Variants in IPO8 observed in about 807,000 individuals in gnomAD.
The protein encoded by IPO8 is importin 8.
Under a neutral mutation model 141.2 loss-of-function variants are expected in IPO8, and 65 were observed. The observed-to-expected ratio is 0.46, with a 90% CI of 0.38 to 0.57. The LOEUF is 0.57. Ranked by LOEUF, IPO8 falls within the 20% of genes least tolerant of loss-of-function variation. The pLI, the probability that IPO8 is intolerant of heterozygous loss-of-function variation, is 0.00. For synonymous variants in IPO8, 411 were observed against 420.3 expected (o/e 0.98, Z 0.27); for missense variants, 980 against 1,246.8 (o/e 0.79, Z 3.22).
Position 30,695,622 on chromosome 12 carries a change from G to C in IPO8, c.26C>G (p.Ala9Gly), listed in dbSNP as rs991688009. 6.2e-7 allele frequency: 1 copy of C among 1,614,146 alleles called. No individual in the cohort carries two copies. The highest frequency in any genetic ancestry group is 8.5e-7 in the Non-Finnish European group (1 of 1,179,988). The change falls in exon 1 of 25, where the codon GCG becomes GGG. Residue 9 changes from alanine (A) to glycine (G), a missense_variant. Ala to Gly is a moderately conservative substitution (Grantham distance 60). Transcript: ENST00000256079. This position sits in a 1 kb window ranked among gnomAD's most constrained non-coding sequence, Gnocchi z 4.2. The stretch of plus-strand genomic sequence containing the variant: ...CTTCGGGTCGATGGTGCCCTTCAGC[G>C]CCTGGATGATCCGGTTGAGGTCCAT... MDLNRIIQ[A>G]LKGTIDPKLR...
At chr12:30,651,375 A>G (rs78755747) in intron 19 of IPO8, among the ~76,000 whole-genome samples, 5,909 of 152,216 alleles carry the variant, frequency 0.039, 359 homozygotes, top group African/African-American at 0.13. Context: ...TCTACTGATT[A>G]TCAGTGCAGA....
At chr12:30,694,933 T>C (rs2053323025) in intron 1 of IPO8, 2 of 454,748 alleles carry the variant, frequency 4.4e-6, no homozygotes, top group Non-Finnish European at 8.8e-6. Flanking sequence ...GAAAGAAGTC[T>C]TACACATTTT....
chr12:30,657,983 C>G (rs932777482), intron 16 of IPO8, among the ~76,000 whole-genome samples: 8 of 152,120 alleles, frequency 5.3e-5, no homozygotes, highest in Non-Finnish European at 5.9e-5. Context: ...TAAAATTTCA[C>G]TGAATTTTCT....
rs1337289426 is a variant in IPO8 at position 30,695,030 on chromosome 12, C to CT, written c.84+533_84+534insA. On this transcript the variant is annotated intron_variant, in intron 1 of 24. Coordinates refer to ENST00000256079, the MANE Select transcript of IPO8 (RefSeq NM_006390.4). The surrounding 1 kb of genome is among the most constrained non-coding windows in gnomAD (Gnocchi z 4.2). The stretch of plus-strand genomic sequence containing the variant: ...CACCATGAAAACTGCCTATTCTTCC[C>CT]AGAGCACTCTCCCAACAGCACTGCC... 2 of 456,266 alleles carry CT rather than the reference C, an allele frequency of 4.4e-6. No individual in the cohort carries two copies. The highest frequency in any genetic ancestry group is 4.0e-5 in the African/African-American group (2 of 50,074). 28.3% of individuals were successfully genotyped at this position (456,266 alleles called of 1,614,324 possible). A position where few individuals can be genotyped will look rare whatever the true frequency, so the allele number is the denominator to read the frequency against.
At chr12:30,636,511 G>A (rs2052503715) in intron 22 of IPO8, among the ~76,000 whole-genome samples, 1 of 151,908 alleles carries the variant, frequency 6.6e-6, no homozygotes, top group Non-Finnish European at 1.5e-5. Context: ...TCTCTCAAAT[G>A]TAATTTTTGC....
intron 17 of IPO8, among the ~76,000 whole-genome samples, chr12:30,654,265 G>C (rs2052767020): frequency 1.3e-5 from 2 of 150,186 alleles, no homozygotes; most frequent in East Asian, 1.9e-4. Flanking sequence ...AAAAAACACA[G>C]GGGAAAAGCT....
chr12:30,639,641 G>A lies in IPO8; in HGVS notation c.2363C>T (p.Ala788Val), dbSNP rs2136127825. 1 of 1,614,070 alleles carries A rather than the reference G, an allele frequency of 6.2e-7. No individual in the cohort carries two copies. Among genetic ancestry groups the A allele is most frequent in the East Asian group, 2.2e-5 (1 of 44,848 alleles). ...CAAATCAGGGTTGTAGTACAAGGCA[G>A]CAATTGCAACCTGAAGACACATAGT... Reference protein sequence around the residue: ...LRTMCLQVAIAALYYNPDLLL... With the variant: ...LRTMCLQVAIVALYYNPDLLL... The change falls in exon 21 of 25, where the codon GCT becomes GTT. Residue 788 changes from alanine (A) to valine (V), a missense_variant. Physicochemically the swap from Ala to Val is moderately conservative, Grantham distance 64. Around this residue, in one of 3 missense-constraint regions of IPO8, gnomAD observed 924 missense variants for 1,153.9 expected, o/e 0.80. Transcript: ENST00000256079.
At position 30,695,434 on chromosome 12, in the gene IPO8, G is replaced by C. The variant is rs528068666; in HGVS notation, c.84+130C>G. The C allele has an allele frequency of 2.4e-4, 175 of 717,482 alleles. 1 individual carries two copies. In the African/African-American group the frequency reaches 2.9e-3, roughly 12 times the overall value. The allele number at this position is 717,482 out of a possible 1,614,324, so 44.4% of individuals were successfully genotyped here. On this transcript the variant is annotated intron_variant, in intron 1 of 24. Coordinates refer to ENST00000256079, the MANE Select transcript of IPO8 (RefSeq NM_006390.4). This position sits in a 1 kb window ranked among gnomAD's most constrained non-coding sequence, Gnocchi z 4.2. ...CCGGGGGGCAGCGGGGTCGGAGAGC[G>C]GGACCAGCCGTGAGGCGTCAGCCCC...
At chr12:30,634,326 T>C (rs754065105) in intron 22 of IPO8, 40 bp from the exon 23 acceptor site, 1 of 1,525,486 alleles carries the variant, frequency 6.6e-7, no homozygotes, top group Non-Finnish European at 9.1e-7. Context: ...TCAAAACACA[T>C]AAGGACAAAA....
chr12:30,665,819 A>C lies in IPO8; in HGVS notation c.1248T>G (p.Cys416Trp). Residue 416 changes from cysteine (C) to tryptophan (W), a missense_variant, in exon 12 of 25, where the codon TGT becomes TGG. Cys to Trp is a radical substitution (Grantham distance 215). Around this residue, in one of 3 missense-constraint regions of IPO8, gnomAD observed 924 missense variants for 1,153.9 expected, o/e 0.80. Coordinates refer to ENST00000256079, the MANE Select transcript of IPO8 (RefSeq NM_006390.4). ...AGTTCGGGTCTGTCAGGATTTGATA[A>C]CAGAATGCCATCATTTTTGGCAACA... The part of the protein sequence containing the change: ...KEVLPKMMAF[C>W]YQILTDPNFD... The C allele has an allele frequency of 6.2e-7, 1 of 1,613,452 alleles. No individual in the cohort carries two copies. Among genetic ancestry groups the C allele is most frequent in the South Asian group, 1.1e-5 (1 of 91,042 alleles).
At chr12:30,661,402 G>T in intron 15 of IPO8, 136 bp from the exon 16 acceptor site, 1 of 589,622 alleles carries the variant, frequency 1.7e-6, no homozygotes, top group Non-Finnish European at 2.7e-6. Flanking sequence ...TTTGCTGACT[G>T]AATCATCTCT....
At chr12:30,661,047 A>C in intron 16 of IPO8, 94 bp downstream of exon 16, 1 of 917,002 alleles carries the variant, frequency 1.1e-6, no homozygotes, top group Non-Finnish European at 1.5e-6. Context: ...CTAAGTAGCA[A>C]TTTAAAAGTG....
chr12:30,664,299 G>T (rs1025014391), intron 13 of IPO8, among the ~76,000 whole-genome samples: 8 of 152,086 alleles, frequency 5.3e-5, no homozygotes, highest in African/African-American at 1.9e-4. Context: ...GTCCACATTT[G>T]CCCAGATATT....
rs575669129 is a variant in IPO8 at position 30,665,709 on chromosome 12, T to C, written c.1338+20A>G. On this transcript the variant is annotated intron_variant, in intron 12 of 24. Coordinates refer to ENST00000256079, the MANE Select transcript of IPO8 (RefSeq NM_006390.4). ...TACTTTACAATGTTATTAAGTAAAT[T>C]AAATTTTGATTATCTTAACCTTCAG... 14 of 1,442,336 alleles carry C rather than the reference T, an allele frequency of 9.7e-6. No individual in the cohort carries two copies. In the African/African-American group the frequency reaches 1.8e-4, roughly 19 times the overall value. 89.3% of individuals were successfully genotyped at this position (1,442,336 alleles called of 1,614,324 possible).
intron 20 of IPO8, among the ~76,000 whole-genome samples, chr12:30,644,233 T>G (rs1285681497): frequency 6.6e-6 from 1 of 151,992 alleles, no homozygotes; most frequent in East Asian, 1.9e-4. Context: ...CTGGGCATGG[T>G]GGCATATGCC....
intron 5 of IPO8, among the ~76,000 whole-genome samples, chr12:30,677,425 C>CAATA: frequency 6.6e-6 from 1 of 152,306 alleles, no homozygotes; most frequent in Non-Finnish European, 1.5e-5. Flanking sequence ...CTGGTAATGA[C>CAATA]AACTATGCTA....
intron 2 of IPO8, chr12:30,688,351 G>C (rs12809355): frequency 0.22 from 86,639 of 390,054 alleles, 10,240 homozygotes; most frequent in East Asian, 0.29. Flanking sequence ...GGTAAGAAAG[G>C]ACATTCACCA....
intron 16 of IPO8, among the ~76,000 whole-genome samples, chr12:30,659,859 C>T (rs189821104): frequency 2.1e-5 from 2 of 94,008 alleles, no homozygotes; most frequent in African/African-American, 4.4e-5. Flanking sequence ...TGTCTCAAAA[C>T]AAAAAAAAAA....
chr12:30,669,934 G>A (rs569857729), intron 9 of IPO8, among the ~76,000 whole-genome samples: 1 of 152,242 alleles, frequency 6.6e-6, no homozygotes, highest in South Asian at 2.1e-4. Flanking sequence ...TATAAAAACA[G>A]GATCATCTCT....
Sources: allele counts gnomAD v4.1 joint callset (sites outside exome capture counted in the v4.1 genomes callset), GRCh38; gene constraint gnomAD v4.1.1; regional missense constraint gnomAD v4.1.1; non-coding constraint Gnocchi (gnomAD v3.1); transcripts MANE v1.5; gene names NCBI Gene and HGNC (gene_info 2026-07-23, HGNC 2026-07-21).